The following ACOT12 variants were observed in gnomAD, a reference collection of about 807,000 sequenced individuals.
ACOT12 encodes the protein acyl-CoA thioesterase 12.
Under a neutral mutation model 67.7 loss-of-function variants are expected in ACOT12, and 51 were observed. The observed-to-expected ratio is 0.75, with a 90% confidence interval of 0.60 to 0.95. ACOT12 has a LOEUF of 0.95. ACOT12 is among the 40% of genes least tolerant of loss of function. The pLI is 0.00. For synonymous variants in ACOT12, 251 were observed against 244.6 expected (o/e 1.03, Z -0.24); for missense variants, 734 against 708.1 (o/e 1.04, Z -0.41).
chr5:81,308,684 T>C, the ACOT12 span: 1 of 1,612,554 alleles, frequency 6.2e-7, no homozygotes, highest in South Asian at 1.1e-5. Flanking sequence ...AATAACCAAG[T>C]GTAAGGCTAA....
intron 10 of ACOT12, among the ~76,000 whole-genome samples, chr5:81,343,096 G>A (rs1022185637): frequency 1.3e-5 from 2 of 151,880 alleles, no homozygotes; most frequent in Admixed American, 6.6e-5. Context: ...CAGAAGAATC[G>A]CTTGAACCCG....
At chr5:81,353,263 T>C (rs1304863332) in intron 5 of ACOT12, among the ~76,000 whole-genome samples, 1 of 152,154 alleles carries the variant, frequency 6.6e-6, no homozygotes, top group African/African-American at 2.4e-5. Context: ...GTGCAGAAGT[T>C]TGCTTATTTG....
the ACOT12 span, chr5:81,309,144 A>G: frequency 1.2e-6 from 1 of 819,990 alleles, no homozygotes; most frequent in Non-Finnish European, 1.9e-6. Context: ...ATAAATTGCA[A>G]AACCTTGAGA....
chr5:81,379,318 G>T (rs571942213), intron 2 of ACOT12, among the ~76,000 whole-genome samples: 12 of 150,150 alleles, frequency 8.0e-5, no homozygotes, highest in African/African-American at 3.0e-4. Context: ...CATCACACAC[G>T]GGGGTCTGTC....
chr5:81,346,226 C>T (rs1759377296), intron 6 of ACOT12, among the ~76,000 whole-genome samples: 1 of 152,324 alleles, frequency 6.6e-6, no homozygotes, highest in African/African-American at 2.4e-5. Flanking sequence ...TGCTTCTACT[C>T]CTTTGGTAAC....
In ACOT12 at chr5:81,332,372, C is replaced by A. The variant is rs536220210; in HGVS notation, c.1391+105G>T. ...AGGTATAATTCAAATAAACATAATT[C>A]AAGAGCAGAAATATCTACACAGACT... On this transcript the variant is annotated intron_variant, in intron 13 of 14. Coordinates refer to ENST00000307624, the MANE Select transcript of ACOT12 (RefSeq NM_130767.3). 5.6e-5 allele frequency: 71 copies of A among 1,261,234 alleles called. No individual in the cohort carries two copies. In the African/African-American group the frequency reaches 9.1e-4, roughly 16 times the overall value. 78.1% of individuals were successfully genotyped at this position (1,261,234 alleles called of 1,614,324 possible).
chr5:81,361,801 T>C (rs1023439962), intron 4 of ACOT12, among the ~76,000 whole-genome samples: 1 of 152,236 alleles, frequency 6.6e-6, no homozygotes, highest in African/African-American at 2.4e-5. Flanking sequence ...CCTTCAATGA[T>C]CTGGCCTGTG....
the ACOT12 span, among the ~76,000 whole-genome samples, chr5:81,312,212 A>C: frequency 2.0e-5 from 3 of 152,210 alleles, no homozygotes; most frequent in Admixed American, 2.0e-4. Flanking sequence ...TTTAAAACTG[A>C]TGCTTCATAA....
chr5:81,334,079 T>C (rs1410697502), intron 12 of ACOT12, among the ~76,000 whole-genome samples: 1 of 152,144 alleles, frequency 6.6e-6, no homozygotes, highest in African/African-American at 2.4e-5. Context: ...CTGGGCAGCC[T>C]GACTCCAGAA....
rs1364442761 is a variant in ACOT12, at chr5:81,371,802, T to C, written c.206A>G (p.Gln69Arg). Reference protein sequence around the residue: ...IQFEETARVGQVITIKAKVTR... With the variant: ...IQFEETARVGRVITIKAKVTR... The stretch of plus-strand genomic sequence containing the variant: ...AACTTTTGCTTTGATGGTTATAACT[T>C]GTCCAACTCTAGGGAAAAACAAACA... Residue 69 changes from glutamine (Q) to arginine (R), a missense_variant, in exon 3 of 15, where the codon CAA becomes CGA. Gln to Arg is a conservative substitution (Grantham distance 43, BLOSUM62 1). Transcript: ENST00000307624. The C allele has an allele frequency of 6.2e-7, 1 of 1,614,092 alleles. No individual in the cohort carries two copies. Among genetic ancestry groups the C allele is most frequent in the South Asian group, 1.1e-5 (1 of 91,082 alleles).
chr5:81,334,927 G>A (rs1561321369), intron 12 of ACOT12, among the ~76,000 whole-genome samples: 1 of 152,142 alleles, frequency 6.6e-6, no homozygotes, highest in Non-Finnish European at 1.5e-5. Context: ...GCTAATAGGA[G>A]CAGGGACATC....
chr5:81,357,358 A>C (rs1327838662), intron 5 of ACOT12, among the ~76,000 whole-genome samples: 2 of 152,206 alleles, frequency 1.3e-5, no homozygotes, highest in African/African-American at 2.4e-5. Flanking sequence ...AGTGGCAAGC[A>C]GGTTCCTGGC....
chr5:81,312,564 C>T, the ACOT12 span: 8 of 1,613,428 alleles, frequency 5.0e-6, no homozygotes, highest in Admixed American at 1.7e-5. Context: ...CACAGTTGGT[C>T]GCTGGGCAAA....
chr5:81,385,025 A>G (rs1055404989), intron 2 of ACOT12, among the ~76,000 whole-genome samples: 8 of 152,222 alleles, frequency 5.3e-5, no homozygotes. Context: ...CACACATAAA[A>G]TGTTTTTCAT....
At chr5:81,336,559 A>G (rs752988921) in intron 11 of ACOT12, among the ~76,000 whole-genome samples, 1 of 152,166 alleles carries the variant, frequency 6.6e-6, no homozygotes, top group African/African-American at 2.4e-5. Context: ...CTGGGGAGCC[A>G]TTTGACATAT....
At chr5:81,312,471 A>C in the ACOT12 span, 2 of 1,228,024 alleles carry the variant, frequency 1.6e-6, no homozygotes, top group Non-Finnish European at 2.3e-6. Flanking sequence ...TCCTTTCCCA[A>C]ACCAATAACA....
intron 10 of ACOT12, among the ~76,000 whole-genome samples, chr5:81,343,209 CAACAAA>C (rs1309305008): frequency 6.7e-6 from 1 of 149,338 alleles, no homozygotes; most frequent in Non-Finnish European, 1.5e-5. Flanking sequence ...AAAAAAAACC[CAACAAA>C]AACAAAAACA....
At chr5:81,311,158 A>G in the ACOT12 span, 1 of 1,595,950 alleles carries the variant, frequency 6.3e-7, no homozygotes, top group Non-Finnish European at 8.6e-7. Context: ...TTGAGATGTT[A>G]AAAACCCCTT....
intron 3 of ACOT12, among the ~76,000 whole-genome samples, chr5:81,368,253 C>A (rs987204590): frequency 6.6e-6 from 1 of 152,056 alleles, no homozygotes; most frequent in African/African-American, 2.4e-5. Context: ...GATCGCACCA[C>A]CGCACTACAG....
Sources: allele counts gnomAD v4.1 joint callset (sites outside exome capture counted in the v4.1 genomes callset), GRCh38; gene constraint gnomAD v4.1.1; transcripts MANE v1.5; gene names NCBI Gene and HGNC (gene_info 2026-07-23, HGNC 2026-07-21).